Variants in KLF12 observed in about 807,000 individuals in gnomAD.
KLF12 encodes Krueppel-like factor 12.
A neutral mutation model predicts 37.8 loss-of-function variants in KLF12; 9 were observed. The ratio of observed to expected loss-of-function variants is 0.24; its 90% confidence interval spans 0.14 to 0.42. The LOEUF (loss-of-function observed/expected upper bound fraction) is 0.42, where lower values mean the gene tolerates loss of function less well. Among genes scored for constraint, KLF12 ranks in the 10% least tolerant of loss-of-function variants. KLF12 has a pLI of 1.00. For synonymous variants in KLF12, 208 were observed against 202.1 expected, an observed-to-expected ratio of 1.03 and a Z score of -0.25; for missense variants, 411 against 516.0, an observed-to-expected ratio of 0.80 and a Z score of 1.97.
At chr13:74,292,621 T>A in the KLF12 span, among the ~76,000 whole-genome samples, 1 of 152,092 alleles carries the variant, frequency 6.6e-6, no homozygotes, top group African/African-American at 2.4e-5. Context: ...GCCTAGTATG[T>A]TTTGGCTGGA....
At chr13:73,925,366 G>T (rs899496178) in intron 3 of KLF12, among the ~76,000 whole-genome samples, 4 of 152,154 alleles carry the variant, frequency 2.6e-5, no homozygotes, top group Admixed American at 2.6e-4. Context: ...CCTTAAGAAT[G>T]ATGCTAAATC....
At chr13:74,302,498 G>T in the KLF12 span, among the ~76,000 whole-genome samples, 1 of 152,096 alleles carries the variant, frequency 6.6e-6, no homozygotes, top group African/African-American at 2.4e-5. Context: ...TAAACTAAAG[G>T]AATATTTATT....
At chr13:74,278,428 T>C in the KLF12 span, among the ~76,000 whole-genome samples, 3 of 152,202 alleles carry the variant, frequency 2.0e-5, no homozygotes, top group East Asian at 3.9e-4. Flanking sequence ...ATTCTTTGTC[T>C]ACATACTGAT....
At chr13:73,834,215 G>T (rs1181165471) in intron 4 of KLF12, among the ~76,000 whole-genome samples, 1 of 152,136 alleles carries the variant, frequency 6.6e-6, no homozygotes, top group Non-Finnish European at 1.5e-5. Context: ...AAGCACCACA[G>T]TTCTCAGCAG....
intron 1 of KLF12, among the ~76,000 whole-genome samples, chr13:74,123,929 A>G (rs1007896652): frequency 1.8e-4 from 27 of 151,760 alleles, no homozygotes; most frequent in African/African-American, 6.6e-4. Flanking sequence ...CATGGGTAAC[A>G]TGTGTTCAAT....
chr13:74,091,424 T>C (rs538718658), intron 1 of KLF12, among the ~76,000 whole-genome samples: 2 of 152,336 alleles, frequency 1.3e-5, no homozygotes, highest in East Asian at 1.9e-4. Flanking sequence ...GTTGGAATCA[T>C]AGAGTATGAA....
the KLF12 span, among the ~76,000 whole-genome samples, chr13:74,255,242 C>T: frequency 6.6e-6 from 1 of 152,158 alleles, no homozygotes. Flanking sequence ...TCCATAAATA[C>T]TGGTTAATAA....
At chr13:74,168,835 G>A in the KLF12 span, among the ~76,000 whole-genome samples, 5 of 152,166 alleles carry the variant, frequency 3.3e-5, no homozygotes, top group South Asian at 2.1e-4. Flanking sequence ...GAAGATAATC[G>A]GATGCCTTTG....
intron 5 of KLF12, among the ~76,000 whole-genome samples, chr13:73,770,345 G>T (rs1176586948): frequency 2.6e-5 from 4 of 151,976 alleles, no homozygotes; most frequent in Admixed American, 2.6e-4. Flanking sequence ...TAAATTCAGT[G>T]GGCCTATTTT....
chr13:74,269,762 T>A, the KLF12 span, among the ~76,000 whole-genome samples: 1 of 152,168 alleles, frequency 6.6e-6, no homozygotes, highest in Non-Finnish European at 1.5e-5. Flanking sequence ...GAAGTCCACG[T>A]GGTATAAATT....
chr13:74,026,467 T>C (rs1293400164), intron 1 of KLF12, among the ~76,000 whole-genome samples: 1 of 152,014 alleles, frequency 6.6e-6, no homozygotes, highest in African/African-American at 2.4e-5. Flanking sequence ...AAAAAGAAAA[T>C]TAAAATAGTG....
At chr13:74,216,922 CAAGTT>C in the KLF12 span, among the ~76,000 whole-genome samples, 1 of 152,326 alleles carries the variant, frequency 6.6e-6, no homozygotes, top group East Asian at 1.9e-4. Flanking sequence ...TATTAATTAT[CAAGTT>C]AAGAGTCGGC....
At chr13:74,107,862 G>C (rs967565544) in intron 1 of KLF12, among the ~76,000 whole-genome samples, 1 of 152,168 alleles carries the variant, frequency 6.6e-6, no homozygotes, top group Non-Finnish European at 1.5e-5. Context: ...ACAACTGATC[G>C]AGACAATTGA....
chr13:74,291,413 G>A, the KLF12 span, among the ~76,000 whole-genome samples: 1 of 152,326 alleles, frequency 6.6e-6, no homozygotes, highest in African/African-American at 2.4e-5. Context: ...CTTAAGCTGA[G>A]GCTCAAAAGT....
the KLF12 span, among the ~76,000 whole-genome samples, chr13:74,218,193 C>T: frequency 0.036 from 5,436 of 152,184 alleles, 231 homozygotes; most frequent in African/African-American, 0.1. Flanking sequence ...ATTAGAATGC[C>T]TTCTTGAGGC....
the KLF12 span, among the ~76,000 whole-genome samples, chr13:74,267,589 G>A: frequency 2.0e-5 from 3 of 152,130 alleles, no homozygotes; most frequent in Admixed American, 6.5e-5. Context: ...AAGTGTAGGG[G>A]GAAGGAGGGA....
chr13:73,856,780 G>A (rs941805643), intron 3 of KLF12, among the ~76,000 whole-genome samples: 1 of 152,128 alleles, frequency 6.6e-6, no homozygotes, highest in African/African-American at 2.4e-5. Context: ...CTTGAGCTCA[G>A]GAGTTCGAGA....
At chr13:73,889,032 T>A (rs184331398) in intron 3 of KLF12, among the ~76,000 whole-genome samples, 2 of 152,316 alleles carry the variant, frequency 1.3e-5, no homozygotes, top group Admixed American at 1.3e-4. Flanking sequence ...TTATTTTAGA[T>A]CCAGACTGAT....
the KLF12 span, among the ~76,000 whole-genome samples, chr13:74,265,997 G>A: frequency 1.3e-5 from 2 of 152,208 alleles, no homozygotes; most frequent in Non-Finnish European, 2.9e-5. Context: ...GATGGGTCTT[G>A]GAGAATGAGT....
Sources: allele counts gnomAD v4.1 joint callset (sites outside exome capture counted in the v4.1 genomes callset), GRCh38; gene constraint gnomAD v4.1.1; transcripts MANE v1.5; gene names NCBI Gene and HGNC (gene_info 2026-07-23, HGNC 2026-07-21).